The following TENM2 variants were observed in gnomAD, a reference collection of about 807,000 sequenced individuals.
TENM2 encodes teneurin transmembrane protein 2.
Under a neutral mutation model 245.2 loss-of-function variants are expected in TENM2, and 52 were observed. The observed-to-expected ratio is 0.21, with a 90% confidence interval of 0.17 to 0.27. TENM2 has a LOEUF of 0.27. Ranked by LOEUF, TENM2 falls within the 10% of genes least tolerant of loss-of-function variation. The pLI is 1.00. For missense variants in TENM2, 3,046 were observed against 3,666.8 expected (o/e 0.83, Z 4.37); for synonymous variants, 1,363 against 1,438.9 (o/e 0.95, Z 1.19).
chr5:167,161,461 G>A, the TENM2 span, among the ~76,000 whole-genome samples: 8 of 152,154 alleles, frequency 5.3e-5, no homozygotes, highest in African/African-American at 1.7e-4. Context: ...AAGAAAACAA[G>A]GTTAGAAAGC....
At chr5:167,336,667 C>T (rs149645620) in intron 1 of TENM2, among the ~76,000 whole-genome samples, 1 of 152,080 alleles carries the variant, frequency 6.6e-6, no homozygotes, top group Non-Finnish European at 1.5e-5. Context: ...TTATCATACC[C>T]TTTGAGAATT....
At chr5:167,786,729 C>A (rs546200603) in intron 2 of TENM2, among the ~76,000 whole-genome samples, 46 of 152,178 alleles carry the variant, frequency 3.0e-4, no homozygotes, top group Non-Finnish European at 5.3e-4. Flanking sequence ...ACCAGTCATG[C>A]TTCCACTTCA....
intron 2 of TENM2, among the ~76,000 whole-genome samples, chr5:167,473,316 T>G (rs1318411132): frequency 6.6e-6 from 1 of 152,202 alleles, no homozygotes; most frequent in Admixed American, 6.5e-5. Context: ...TTTTTTGTCA[T>G]TGTTTCTTTA....
In TENM2 at chr5:168,185,915, CAT is replaced by C. The variant is rs200942772; in HGVS notation, c.2570-4373_2570-4372del. ...GGACATATACTATATACCAGACTGA[CAT>C]ATATATATATATATATATATATATA... On this transcript the variant is annotated intron_variant, in intron 13 of 28. Coordinates refer to ENST00000518659, the Ensembl canonical transcript of TENM2. Among the ~76,000 whole-genome samples the C allele has an allele frequency of 2.5e-3, 184 of 73,788 alleles. 1 individual carries two copies. The highest frequency in any genetic ancestry group is 7.0e-3 in the South Asian group (12 of 1,724). 48.4% of individuals were successfully genotyped at this position (73,788 alleles called of 152,430 possible). A position where few individuals can be genotyped will look rare whatever the true frequency, so the allele number is the denominator to read the frequency against.
At chr5:167,015,271 C>A in the TENM2 span, among the ~76,000 whole-genome samples, 1 of 152,066 alleles carries the variant, frequency 6.6e-6, no homozygotes, top group African/African-American at 2.4e-5. Context: ...TTCTAAAATG[C>A]GATGGAAGTA....
intron 2 of TENM2, among the ~76,000 whole-genome samples, chr5:167,414,653 C>T (rs1763074995): frequency 6.6e-6 from 1 of 152,006 alleles, no homozygotes; most frequent in Non-Finnish European, 1.5e-5. Flanking sequence ...TTGGGATCTG[C>T]AATAAAAGTG....
rs35289134 is a variant in TENM2, at chr5:167,846,950, A to AATTGATTG, written c.503-29019_503-29012dup. ...TGGATTGGACCACAGAAGTCATTTCAATTGATTGATTGATTGATTGATTGG... is the reference window on the plus strand; with the variant it reads ...TGGATTGGACCACAGAAGTCATTTCAATTGATTGATTGATTGATTGATTGATTGATTGG... On this transcript the variant is annotated intron_variant, in intron 2 of 28. Transcript: ENST00000518659. Among the ~76,000 whole-genome samples the AATTGATTG allele has an allele frequency of 4.2e-3, 630 of 151,016 alleles. 1 individual carries two copies. Among genetic ancestry groups the AATTGATTG allele is most frequent in the African/African-American group, 5.8e-3 (239 of 41,280 alleles).
At chr5:167,628,588 C>T (rs1778666154) in intron 2 of TENM2, among the ~76,000 whole-genome samples, 1 of 152,332 alleles carries the variant, frequency 6.6e-6, no homozygotes, top group African/African-American at 2.4e-5. Flanking sequence ...TTCCCTCCAC[C>T]TCTGAGTTCC....
At chr5:167,293,368 A>AATTTTTTTTTTT (rs764307053) in intron 1 of TENM2, among the ~76,000 whole-genome samples, 2 of 130,542 alleles carry the variant, frequency 1.5e-5, no homozygotes, top group African/African-American at 5.8e-5. Context: ...TGTCCGGCTA[A>AATTTTTTTTTTT]TTTTTTTTTT....
At chr5:167,644,537 T>A (rs2150261508) in intron 2 of TENM2, among the ~76,000 whole-genome samples, 1 of 152,290 alleles carries the variant, frequency 6.6e-6, no homozygotes, top group Middle Eastern at 3.4e-3. Flanking sequence ...CAGTAAATGG[T>A]AGCTACTATT....
At chr5:167,166,905 C>G in the TENM2 span, among the ~76,000 whole-genome samples, 1 of 152,092 alleles carries the variant, frequency 6.6e-6, no homozygotes, top group South Asian at 2.1e-4. Flanking sequence ...TCCTCATAGC[C>G]TAGGATCAGT....
At chr5:167,031,400 C>A in the TENM2 span, among the ~76,000 whole-genome samples, 2 of 152,164 alleles carry the variant, frequency 1.3e-5, no homozygotes, top group Admixed American at 1.3e-4. Context: ...CATAACACCA[C>A]TTAAGTTAGT....
chr5:168,126,617 G>C (rs1462493658), intron 11 of TENM2, 137 bp from the exon 14 acceptor site: 1 of 655,838 alleles, frequency 1.5e-6, no homozygotes, highest in African/African-American at 1.8e-5. Flanking sequence ...CAGCCAAGGA[G>C]AGACAAGCCT....
At chr5:167,773,798 C>A (rs1048976293) in intron 2 of TENM2, among the ~76,000 whole-genome samples, 2 of 152,102 alleles carry the variant, frequency 1.3e-5, no homozygotes, top group African/African-American at 2.4e-5. Flanking sequence ...TTAATGCCAG[C>A]TCCATGCTGT....
chr5:167,619,194 T>C (rs537101171), intron 2 of TENM2, among the ~76,000 whole-genome samples: 1 of 152,240 alleles, frequency 6.6e-6, no homozygotes, highest in Non-Finnish European at 1.5e-5. Flanking sequence ...GATAGTTCCA[T>C]TTGTTTTCTC....
intron 12 of TENM2, among the ~76,000 whole-genome samples, chr5:168,158,615 C>A (rs1313021951): frequency 6.6e-6 from 1 of 151,198 alleles, no homozygotes; most frequent in Non-Finnish European, 1.5e-5. Context: ...CTGGCCTCTA[C>A]CCACAAGATG....
At chr5:167,499,713 T>A (rs1373082590) in intron 2 of TENM2, among the ~76,000 whole-genome samples, 2 of 152,146 alleles carry the variant, frequency 1.3e-5, no homozygotes, top group Non-Finnish European at 2.9e-5. Context: ...CTCCCATAGA[T>A]ATGAAATGCA....
In TENM2 at chr5:167,289,542, C is replaced by T. The variant is rs561578772; in HGVS notation, c.226+4479C>T. Reference sequence around the variant, plus strand: ...GTTAAAGCAAAGAGATAAATCCTACCGGCTATTTGATGTGCTTTAAAAAGC... The same window carrying T: ...GTTAAAGCAAAGAGATAAATCCTACTGGCTATTTGATGTGCTTTAAAAAGC... On this transcript the variant is annotated intron_variant, in intron 1 of 28. Transcript: ENST00000518659. Among the ~76,000 whole-genome samples the T allele has an allele frequency of 9.2e-5, 14 of 152,218 alleles. No individual in the cohort carries two copies. In the South Asian group the frequency reaches 2.1e-3, roughly 23 times the overall value.
chr5:168,100,480 A>C lies in TENM2; in HGVS notation c.1813+2353A>C, dbSNP rs1793720055. On this transcript the variant is annotated intron_variant, in intron 9 of 28. Coordinates refer to ENST00000518659, the Ensembl canonical transcript of TENM2. ...TTCACAATAGCAAAGACTTGGAACCAACCCAAATGCCCATCAATAATAGAC... is the reference window on the plus strand; with the variant it reads ...TTCACAATAGCAAAGACTTGGAACCCACCCAAATGCCCATCAATAATAGAC... Among the ~76,000 whole-genome samples, 4 of 152,240 alleles carry C rather than the reference A, an allele frequency of 2.6e-5. No homozygotes were observed. The South Asian group carries it at 8.3e-4, about 32-fold the overall frequency.
Sources: allele counts gnomAD v4.1 joint callset (sites outside exome capture counted in the v4.1 genomes callset), GRCh38; gene constraint gnomAD v4.1.1; transcripts MANE v1.5; gene names NCBI Gene and HGNC (gene_info 2026-07-23, HGNC 2026-07-21).